The following UNC13A variants were observed in gnomAD, a reference collection of about 807,000 sequenced individuals.
UNC13A encodes the protein protein unc-13 homolog A.
In UNC13A, 61 loss-of-function variants were observed where a neutral mutation model predicts 219.7. The observed-to-expected ratio is 0.28, with a 90% CI of 0.23 to 0.34. UNC13A has a LOEUF of 0.34. Among genes scored for constraint, UNC13A ranks in the 10% least tolerant of loss-of-function variants. The pLI, the probability that UNC13A is intolerant of heterozygous loss-of-function variation, is 1.00. For synonymous variants in UNC13A, 920 were observed against 884.6 expected, an observed-to-expected ratio of 1.04 and a Z score of -0.71; for missense variants, 1,476 against 2,270.3, an observed-to-expected ratio of 0.65 and a Z score of 7.11.
intron 19 of UNC13A, among the ~76,000 whole-genome samples, chr19:17,643,842 T>C (rs1226026351): frequency 6.6e-6 from 1 of 151,880 alleles, no homozygotes; most frequent in Non-Finnish European, 1.5e-5. Flanking sequence ...AGGCCCTGCC[T>C]CCCCCATCAG....
intron 8 of UNC13A, among the ~76,000 whole-genome samples, chr19:17,660,198 C>A (rs755338584): frequency 3.9e-5 from 6 of 152,096 alleles, no homozygotes; most frequent in Non-Finnish European, 8.8e-5. Flanking sequence ...CCTCGGCCGG[C>A]CAGCATTCTT....
chr19:17,671,591 C>T (rs1396555394), intron 4 of UNC13A, among the ~76,000 whole-genome samples: 1 of 151,508 alleles, frequency 6.6e-6, no homozygotes, highest in Non-Finnish European at 1.5e-5. Context: ...GGCAACATGG[C>T]AAAACCCTGT....
chr19:17,618,880 C>T (rs199696476), intron 39 of UNC13A, 26 bp downstream of exon 39: 29 of 1,613,288 alleles, frequency 1.8e-5, no homozygotes, highest in Middle Eastern at 1.6e-4. Flanking sequence ...CAGTCCCTCA[C>T]GCCATAATCT....
intron 16 of UNC13A, 114 bp downstream of exon 16, chr19:17,648,317 T>G: frequency 1.7e-6 from 1 of 602,820 alleles, no homozygotes; most frequent in Non-Finnish European, 2.3e-6. Context: ...CCCCGCCCCT[T>G]GCCCCGCCCC....
chr19:17,672,933 G>A (rs777905450), intron 3 of UNC13A, among the ~76,000 whole-genome samples: 6 of 152,100 alleles, frequency 3.9e-5, no homozygotes, highest in East Asian at 3.8e-4. Context: ...GTGAGGACAC[G>A]ATCCCACCTC....
chr19:17,625,085 G>T, intron 34 of UNC13A, 133 bp from the exon 35 acceptor site: 1 of 1,348,462 alleles, frequency 7.4e-7, no homozygotes, highest in Non-Finnish European at 9.9e-7. Flanking sequence ...CCCCTGGGTG[G>T]TTTGATGGGG....
In UNC13A at chr19:17,648,641, C is replaced by G; in HGVS notation, c.1606G>C (p.Val536Leu). ...AAGGCTTGCAGGGTCTTCTTGTAAA[C>G]GTGGTTTTTCTGCAGGGAGGGATGG... The part of the protein sequence containing the change: ...TLNNEELKNH[V>L]YKKTLQALIY... The change falls in exon 16 of 44, where the codon GTT (valine) becomes CTT (leucine). Residue 536 changes from valine (V) to leucine (L), a missense_variant. Physicochemically the swap from Val to Leu is conservative, Grantham distance 32. Coordinates refer to ENST00000519716, the MANE Select transcript of UNC13A (RefSeq NM_001080421.3). The G allele has an allele frequency of 6.2e-7, 1 of 1,604,020 alleles. No homozygotes were observed. Among genetic ancestry groups the G allele is most frequent in the Non-Finnish European group, 8.5e-7 (1 of 1,172,536 alleles).
rs559815068 is a variant in UNC13A, at chr19:17,631,575, G to A, written c.3429-825C>T. 2.0e-5 allele frequency among the ~76,000 whole-genome samples: 3 copies of A among 152,106 alleles called. No individual in the cohort carries two copies. The South Asian group carries it at 6.2e-4, about 32-fold the overall frequency. On this transcript the variant is annotated intron_variant, in intron 28 of 43. Transcript: ENST00000519716. The stretch of plus-strand genomic sequence containing the variant: ...AGAAGACTAGCCATCCTCCTGTGCT[G>A]CTGGGAGCAGAGAACGACACCACAA...
Position 17,604,188 on chromosome 19 carries a change from T to C in UNC13A, c.*1866A>G, listed in dbSNP as rs1280289774. The C allele has an allele frequency of 1.3e-5, 2 of 152,396 alleles. No homozygotes were observed. 9.4% of individuals were successfully genotyped at this position (152,396 alleles called of 1,614,324 possible). ...CCAAAGCACCTCCACCTCTCCTCACTGGTTTTAGTCTTCACAAAACAGCTT... is the reference window on the plus strand; with the variant it reads ...CCAAAGCACCTCCACCTCTCCTCACCGGTTTTAGTCTTCACAAAACAGCTT... On this transcript the variant is annotated 3_prime_UTR_variant, in exon 44 of 44. Coordinates refer to ENST00000519716, the MANE Select transcript of UNC13A (RefSeq NM_001080421.3).
intron 43 of UNC13A, among the ~76,000 whole-genome samples, chr19:17,607,989 C>T (rs1173499567): frequency 1.3e-5 from 2 of 149,632 alleles, no homozygotes; most frequent in Non-Finnish European, 2.9e-5. Context: ...AAGCGATTCT[C>T]GTACCCCTCA....
chr19:17,658,085 C>T lies in UNC13A; in HGVS notation c.744G>A (p.Glu248=). 1.2e-6 allele frequency: 2 copies of T among 1,613,728 alleles called. No individual in the cohort carries two copies. The highest frequency in any genetic ancestry group is 1.7e-6 in the Non-Finnish European group (2 of 1,179,812). Residue 248 remains glutamate (E), a synonymous_variant, in exon 9 of 44, where the codon GAG becomes GAA. Transcript: ENST00000519716. ...SYSDSMHSYE[E]FSEPQALSPT... The stretch of plus-strand genomic sequence containing the variant: ...ACCTGAGGGCTTGTGGCTCAGAGAA[C>T]TCCTCGTAACTGTGCATGGAGTCAC...
Position 17,649,442 on chromosome 19 carries a change from T to C in UNC13A, c.1518+67A>G. The C allele has an allele frequency of 6.2e-7, 1 of 1,613,354 alleles. No individual in the cohort carries two copies. The highest frequency in any genetic ancestry group is 1.1e-5 in the South Asian group (1 of 91,076). ...CAACCCCAGGTTGACCATGGGCAGT[T>C]CCACAGGTTGTGCACTGCTTATAGC... On this transcript the variant is annotated intron_variant, in intron 13 of 43. Coordinates refer to ENST00000519716, the MANE Select transcript of UNC13A (RefSeq NM_001080421.3). The surrounding 1 kb of genome is among the most constrained non-coding windows in gnomAD (Gnocchi z 4.4).
intron 1 of UNC13A, among the ~76,000 whole-genome samples, 178 bp downstream of exon 1, chr19:17,688,000 G>A (rs1046973886): frequency 4.0e-5 from 6 of 148,714 alleles, no homozygotes; most frequent in African/African-American, 1.5e-4. Context: ...GCCCTGCCGC[G>A]TCTACACGGA....
intron 6 of UNC13A, 25 bp downstream of exon 6, chr19:17,668,092 A>G: frequency 6.2e-7 from 1 of 1,609,988 alleles, no homozygotes; most frequent in Non-Finnish European, 8.5e-7. Flanking sequence ...AGGAAGAAAC[A>G]GTCCCCTCCC....
At chr19:17,664,367 AGCCTCT>A (rs772483384) in intron 7 of UNC13A, among the ~76,000 whole-genome samples, 26 of 152,310 alleles carry the variant, frequency 1.7e-4, no homozygotes, top group Non-Finnish European at 3.8e-4. Flanking sequence ...AAAGTCACAG[AGCCTCT>A]GCGCATCAGG....
At chr19:17,610,218 C>A in intron 42 of UNC13A, 119 bp from the exon 43 acceptor site, 1 of 1,399,606 alleles carries the variant, frequency 7.1e-7, no homozygotes, top group Non-Finnish European at 9.8e-7. Flanking sequence ...GTAATCCCAC[C>A]ACTTCGGGAG....
intron 4 of UNC13A, among the ~76,000 whole-genome samples, chr19:17,671,310 G>A (rs947268943): frequency 6.6e-6 from 1 of 152,160 alleles, no homozygotes; most frequent in African/African-American, 2.4e-5. Context: ...TAGAGTGTGG[G>A]GGGAGATGAG....
chr19:17,647,744 C>CAGG (rs1292372367), intron 16 of UNC13A, among the ~76,000 whole-genome samples: 2 of 151,416 alleles, frequency 1.3e-5, no homozygotes, highest in African/African-American at 4.9e-5. Context: ...GGAGTCCCCA[C>CAGG]TGGTTTTTGG....
chr19:17,650,124 G>C (rs755581982), intron 12 of UNC13A, among the ~76,000 whole-genome samples: 1 of 152,088 alleles, frequency 6.6e-6, no homozygotes, highest in Admixed American at 6.5e-5. Context: ...GGAGACACCC[G>C]GCCTCACCCT....
Sources: allele counts gnomAD v4.1 joint callset (sites outside exome capture counted in the v4.1 genomes callset), GRCh38; gene constraint gnomAD v4.1.1; non-coding constraint Gnocchi (gnomAD v3.1); transcripts MANE v1.5; gene names NCBI Gene and HGNC (gene_info 2026-07-23, HGNC 2026-07-21).